The following NTN1 variants were observed in gnomAD, a reference collection of about 807,000 sequenced individuals.
The protein encoded by NTN1 is netrin 1.
A neutral mutation model predicts 54.2 loss-of-function variants in NTN1; 11 were observed. The ratio of observed to expected loss-of-function variants is 0.20; its 90% CI spans 0.13 to 0.34. The LOEUF (loss-of-function observed/expected upper bound fraction) is 0.34. Among genes scored for constraint, NTN1 ranks in the 10% least tolerant of loss-of-function variants. The pLI, the probability that NTN1 is intolerant of heterozygous loss-of-function variation, is 1.00. For missense variants in NTN1, 740 were observed against 893.1 expected (o/e 0.83, Z 2.18); for synonymous variants, 371 against 382.0 (o/e 0.97, Z 0.33).
chr17:9,114,532 C>T (rs1307181032), intron 2 of NTN1, among the ~76,000 whole-genome samples: 1 of 151,410 alleles, frequency 6.6e-6, no homozygotes, highest in Non-Finnish European at 1.5e-5. Flanking sequence ...GCAGGCAGAT[C>T]TCCTGAGGTC....
intron 2 of NTN1, among the ~76,000 whole-genome samples, chr17:9,131,581 CTTT>C (rs11361363): frequency 9.7e-5 from 13 of 134,038 alleles, no homozygotes; most frequent in African/African-American, 1.9e-4. Context: ...TCCCTTGATG[CTTT>C]TTTTTTTTTT....
intron 5 of NTN1, among the ~76,000 whole-genome samples, chr17:9,190,313 C>T (rs535776341): frequency 2.0e-5 from 3 of 152,302 alleles, no homozygotes; most frequent in African/African-American, 4.8e-5. Flanking sequence ...AATTGTAAAG[C>T]TATCAGTTCG....
chr17:9,060,110 C>T (rs2091992015), intron 2 of NTN1, among the ~76,000 whole-genome samples: 1 of 152,162 alleles, frequency 6.6e-6, no homozygotes, highest in African/African-American at 2.4e-5. Context: ...TCGAACAACA[C>T]AGGCTTGAAC....
intron 2 of NTN1, among the ~76,000 whole-genome samples, chr17:9,128,193 C>T (rs1030276953): frequency 2.0e-5 from 3 of 151,494 alleles, no homozygotes; most frequent in Non-Finnish European, 2.9e-5. Flanking sequence ...GCCTGTAATC[C>T]CAGCTACTTG....
Position 9,022,482 on chromosome 17 carries a change from C to G in NTN1, c.109C>G (p.Gln37Glu). 1 of 1,534,380 alleles carries G rather than the reference C, an allele frequency of 6.5e-7. No individual in the cohort carries two copies. Among genetic ancestry groups the G allele is most frequent in the Non-Finnish European group, 8.7e-7 (1 of 1,144,732 alleles). The change falls in exon 2 of 7, where the codon CAG becomes GAG. Residue 37 changes from glutamine (Q) to glutamate (E), a missense_variant. Coordinates refer to ENST00000173229, the MANE Select transcript of NTN1 (RefSeq NM_004822.3). ...CAGCATGTTCGCGGGCCAGGCGGCG[C>G]AGCCCGATCCCTGCTCGGACGAGAA... is the stretch of plus-strand genomic sequence containing the variant. ...GLSMFAGQAA[Q>E]PDPCSDENGH...
chr17:9,063,425 A>C (rs916090239), intron 2 of NTN1, among the ~76,000 whole-genome samples: 1 of 151,864 alleles, frequency 6.6e-6, no homozygotes, highest in Admixed American at 6.6e-5. Flanking sequence ...GCTTTGTTGT[A>C]TTTTGCCACA....
In NTN1 at chr17:9,202,056, A is replaced by ACACACACACAC. The variant is rs553874657; in HGVS notation, c.1411+19087_1411+19088insCACACACACAC. 2.7e-3 allele frequency among the ~76,000 whole-genome samples: 38 copies of ACACACACACAC among 14,282 alleles called. 4 individuals carry two copies. Among genetic ancestry groups the ACACACACACAC allele is most frequent in the Admixed American group, 5.1e-3 (4 of 784 alleles). The allele number at this position is 14,282 out of a possible 152,430, so 9.4% of individuals were successfully genotyped here. ...CACACACACACACACACACACACAC[A>ACACACACACAC]AAAAAAAAAAAAAAAAAAAAAAAAA... On this transcript the variant is annotated intron_variant, in intron 5 of 6. Coordinates refer to ENST00000173229, the MANE Select transcript of NTN1 (RefSeq NM_004822.3).
chr17:9,105,682 G>C (rs578159421), intron 2 of NTN1, among the ~76,000 whole-genome samples: 4 of 144,236 alleles, frequency 2.8e-5, no homozygotes, highest in East Asian at 1.9e-4. Context: ...CTCTCTCTCT[G>C]TCTCTGTCTC....
At chr17:9,205,911 G>A (rs559773953) in intron 5 of NTN1, among the ~76,000 whole-genome samples, 51 of 152,368 alleles carry the variant, frequency 3.3e-4, no homozygotes, top group Non-Finnish European at 6.9e-4. Context: ...GACATTGGGT[G>A]GAAAGCACTT....
rs139898811 is a variant in NTN1 at position 9,090,477 on chromosome 17, C to T, written c.1018+67086C>T. Among the ~76,000 whole-genome samples, 75 of 152,170 alleles carry T rather than the reference C, an allele frequency of 4.9e-4. No individual in the cohort carries two copies. The East Asian group carries it at 0.011, about 23-fold the overall frequency. On this transcript the variant is annotated intron_variant, in intron 2 of 6. Transcript: ENST00000173229. ...GTGTGAGCCACCGCGCCTGGCCTAA[C>T]TCCTCATCTTTCTTACTTACCAAAG... is the stretch of plus-strand genomic sequence containing the variant.
chr17:9,183,559 T>C (rs569645281), intron 5 of NTN1: 47 of 315,606 alleles, frequency 1.5e-4, no homozygotes, highest in South Asian at 1.3e-3. Flanking sequence ...CTGGTGCAGA[T>C]ATCATAAATA....
At chr17:9,190,050 C>A (rs1319196633) in intron 5 of NTN1, among the ~76,000 whole-genome samples, 1 of 152,166 alleles carries the variant, frequency 6.6e-6, no homozygotes, top group Non-Finnish European at 1.5e-5. Flanking sequence ...TAAGAGAATT[C>A]TATAAGGAGC....
At chr17:9,067,977 G>A (rs1217457595) in intron 2 of NTN1, among the ~76,000 whole-genome samples, 1 of 152,182 alleles carries the variant, frequency 6.6e-6, no homozygotes, top group African/African-American at 2.4e-5. Flanking sequence ...ACCCAGCCGA[G>A]GTGGGAGGAT....
chr17:9,011,941 A>C, the NTN1 span, among the ~76,000 whole-genome samples: 1 of 152,100 alleles, frequency 6.6e-6, no homozygotes, highest in African/African-American at 2.4e-5. Context: ...TTAACTGTCC[A>C]TAATTCTGTG....
At chr17:9,093,305 T>C (rs977416784) in intron 2 of NTN1, among the ~76,000 whole-genome samples, 1 of 152,268 alleles carries the variant, frequency 6.6e-6, no homozygotes, top group African/African-American at 2.4e-5. Flanking sequence ...CCAAGCTTTG[T>C]TGAGTAAGCT....
chr17:9,067,095 C>T (rs1006480824), intron 2 of NTN1, among the ~76,000 whole-genome samples: 11 of 151,456 alleles, frequency 7.3e-5, no homozygotes, highest in African/African-American at 9.7e-5. Flanking sequence ...GGCAAGACCC[C>T]GTCTCTGTAA....
At chr17:9,226,517 T>TCTCGTGGGGAGGC (rs1905566244) in intron 6 of NTN1, among the ~76,000 whole-genome samples, 1 of 54,582 alleles carries the variant, frequency 1.8e-5, no homozygotes, top group Non-Finnish European at 2.9e-5. Flanking sequence ...CGTGGGGAGG[T>TCTCGTGGGGAGGC]GGTCTCGTGG....
chr17:9,162,825 A>G lies in NTN1; in HGVS notation c.1031A>G (p.Asn344Ser), dbSNP rs2092361390. 1 of 1,611,698 alleles carries G rather than the reference A, an allele frequency of 6.2e-7. No individual in the cohort carries two copies. The highest frequency in any genetic ancestry group is 1.1e-5 in the South Asian group (1 of 91,040). ...EANECVACNC[N>S]LHARRCRFNM... ...TCTCCCCCTGCAGCCTGTAACTGCA[A>G]CCTGCATGCCCGGCGCTGCCGCTTC... The change falls in exon 3 of 7, where the codon AAC (asparagine) becomes AGC (serine). Residue 344 changes from asparagine to serine, a missense_variant. Asn to Ser is a conservative substitution (Grantham distance 46). Coordinates refer to ENST00000173229, the MANE Select transcript of NTN1 (RefSeq NM_004822.3).
At chr17:9,136,034 C>T (rs191592586) in intron 2 of NTN1, among the ~76,000 whole-genome samples, 24 of 152,334 alleles carry the variant, frequency 1.6e-4, no homozygotes, top group Admixed American at 1.3e-3. Flanking sequence ...TTCCTCGTGT[C>T]CCCCTGGTGC....
Sources: allele counts gnomAD v4.1 joint callset (sites outside exome capture counted in the v4.1 genomes callset), GRCh38; gene constraint gnomAD v4.1.1; transcripts MANE v1.5; gene names NCBI Gene and HGNC (gene_info 2026-07-23, HGNC 2026-07-21).